Variants in GTF2IRD1 observed in about 807,000 individuals in gnomAD.
GTF2IRD1 encodes GTF2I repeat domain containing 1.
GTF2IRD1 carries 26 observed loss-of-function variants against 113.2 expected under a neutral mutation model. The ratio of observed to expected loss-of-function variants is 0.23; its 90% CI spans 0.17 to 0.32. GTF2IRD1 has a LOEUF of 0.32. Among genes scored for constraint, GTF2IRD1 ranks in the 10% least tolerant of loss-of-function variants. The pLI, the probability that GTF2IRD1 is intolerant of heterozygous loss-of-function variation, is 1.00. For missense variants in GTF2IRD1, 864 were observed against 1,280.8 expected (o/e 0.67, Z 4.97); for synonymous variants, 484 against 529.1 (o/e 0.91, Z 1.17).
chr7:74,464,785 GT>G (rs1793606666), intron 1 of GTF2IRD1, among the ~76,000 whole-genome samples: 1 of 152,128 alleles, frequency 6.6e-6, no homozygotes, highest in African/African-American at 2.4e-5. Flanking sequence ...TTTGTTATTT[GT>G]GAAATCGTTG....
intron 1 of GTF2IRD1, among the ~76,000 whole-genome samples, chr7:74,466,948 CTTTCTTTTTT>C (rs1219071025): frequency 8.1e-5 from 12 of 148,810 alleles, no homozygotes; most frequent in Non-Finnish European, 1.8e-4. Context: ...CACCCTTTTT[CTTTCTTTTTT>C]TTTTTTTTTG....
intron 8 of GTF2IRD1, among the ~76,000 whole-genome samples, chr7:74,525,161 C>T (rs1797530510): frequency 6.6e-6 from 1 of 152,224 alleles, no homozygotes; most frequent in Admixed American, 6.5e-5. Flanking sequence ...CCCAGCTTTA[C>T]CTGTGCTGTG....
At chr7:74,589,826 A>C (rs782186448) in intron 22 of GTF2IRD1, 25 bp from the exon 23 acceptor site, 4 of 1,518,236 alleles carry the variant, frequency 2.6e-6, no homozygotes, top group South Asian at 1.1e-5. Flanking sequence ...GCCAACTCTC[A>C]TGCCCCCTTG....
intron 4 of GTF2IRD1, 122 bp downstream of exon 4, chr7:74,515,718 A>C (rs1796894297): frequency 2.6e-6 from 2 of 768,516 alleles, no homozygotes; most frequent in Non-Finnish European, 2.1e-6. Context: ...ACCCCAAGGC[A>C]TGGGGCTACT....
intron 19 of GTF2IRD1, among the ~76,000 whole-genome samples, chr7:74,556,264 A>C (rs1485360843): frequency 1.3e-5 from 2 of 149,510 alleles, no homozygotes; most frequent in Non-Finnish European, 3.0e-5. Context: ...AAAAAAAAGA[A>C]AGAGAGAGAG....
At chr7:74,545,014 AG>A (rs1246809721) in intron 15 of GTF2IRD1, among the ~76,000 whole-genome samples, 1 of 152,158 alleles carries the variant, frequency 6.6e-6, no homozygotes, top group African/African-American at 2.4e-5. Flanking sequence ...TCCTGGTCAA[AG>A]GTGAGAGCAG....
In GTF2IRD1 at chr7:74,555,947, T is replaced by C. The variant is rs1799566321; in HGVS notation, c.2023+453T>C. The stretch of plus-strand genomic sequence containing the variant: ...AACATAGAACCCGTCTCTATGTCTA[T>C]TTTTAAGAAAAGAAATCAGAGGCCG... On this transcript the variant is annotated intron_variant, in intron 19 of 26. Transcript: ENST00000424337. The surrounding 1 kb of genome is among the most constrained non-coding windows in gnomAD (Gnocchi z 5.3). Among the ~76,000 whole-genome samples the C allele has an allele frequency of 1.3e-5, 2 of 152,032 alleles. No individual in the cohort carries two copies. The highest frequency in any genetic ancestry group is 4.2e-4 in the South Asian group (2 of 4,814).
intron 21 of GTF2IRD1, 96 bp downstream of exon 21, chr7:74,559,140 C>A (rs1308864699): frequency 1.7e-6 from 2 of 1,162,258 alleles, no homozygotes; most frequent in Non-Finnish European, 2.5e-6. Context: ...TCCTGCCCTC[C>A]CCCCTGGACA....
At chr7:74,565,422 G>A (rs1329052380) in intron 22 of GTF2IRD1, among the ~76,000 whole-genome samples, 2 of 152,122 alleles carry the variant, frequency 1.3e-5, no homozygotes, top group African/African-American at 4.8e-5. Flanking sequence ...CTACTTAGGA[G>A]GCTAAGGCAG....
rs182001018 is a variant in GTF2IRD1 at position 74,594,055 on chromosome 7, C to T, written c.2592-959C>T. On this transcript the variant is annotated intron_variant, in intron 24 of 26. Coordinates refer to ENST00000424337, the MANE Select transcript of GTF2IRD1 (RefSeq NM_005685.4). ...TCTACTAAAAATACAAAAAATTAGC[C>T]GGGCATGGTGGTACACGCCTGTAAT... Among the ~76,000 whole-genome samples the T allele has an allele frequency of 1.0e-3, 152 of 151,526 alleles. 3 individuals carry two copies. The East Asian group carries it at 0.023, about 23-fold the overall frequency.
At chr7:74,565,936 A>G (rs1800279021) in intron 22 of GTF2IRD1, among the ~76,000 whole-genome samples, 1 of 151,796 alleles carries the variant, frequency 6.6e-6, no homozygotes. Flanking sequence ...GCGAGCTATG[A>G]TCACAAAGCT....
chr7:74,601,560 G>A lies in GTF2IRD1; in HGVS notation c.2766+380G>A, dbSNP rs1335748741. 3 of 1,125,316 alleles carry A rather than the reference G, an allele frequency of 2.7e-6. No homozygotes were observed. The African/African-American group carries it at 4.7e-5, about 18-fold the overall frequency. 69.7% of individuals were successfully genotyped at this position (1,125,316 alleles called of 1,614,324 possible). ...GGTCAAGTCGGGTGGATCACCTGAG[G>A]TCAGGAGTTTGAGACCAGGCTGACC... On this transcript the variant is annotated intron_variant, in intron 26 of 26. Coordinates refer to ENST00000424337, the MANE Select transcript of GTF2IRD1 (RefSeq NM_005685.4).
chr7:74,524,255 TATGC>T, intron 8 of GTF2IRD1, 101 bp downstream of exon 8: 1 of 725,732 alleles, frequency 1.4e-6, no homozygotes, highest in Non-Finnish European at 2.3e-6. Context: ...GCGGGAGCCA[TATGC>T]TGGCTCCCGC....
At chr7:74,459,917 G>A (rs187177001) in intron 1 of GTF2IRD1, among the ~76,000 whole-genome samples, 45 of 152,148 alleles carry the variant, frequency 3.0e-4, no homozygotes, top group South Asian at 8.3e-4. Flanking sequence ...TGGAGGCCCC[G>A]GGGATGATCT....
intron 1 of GTF2IRD1, among the ~76,000 whole-genome samples, chr7:74,503,887 G>A (rs1167521624): frequency 2.6e-5 from 4 of 152,160 alleles, no homozygotes; most frequent in Non-Finnish European, 4.4e-5. Context: ...CCAATAAGTC[G>A]TTTTTCAGCC....
At chr7:74,574,811 G>C (rs1800925569) in intron 22 of GTF2IRD1, among the ~76,000 whole-genome samples, 1 of 151,372 alleles carries the variant, frequency 6.6e-6, no homozygotes, top group South Asian at 2.1e-4. Flanking sequence ...AAACCCGGCT[G>C]AGTGCAGTGG....
chr7:74,572,325 A>G (rs368498661), intron 22 of GTF2IRD1, among the ~76,000 whole-genome samples: 2 of 152,010 alleles, frequency 1.3e-5, no homozygotes, highest in Non-Finnish European at 2.9e-5. Context: ...TTAACCTACT[A>G]TCTCTGATCT....
intron 1 of GTF2IRD1, among the ~76,000 whole-genome samples, chr7:74,473,973 C>G (rs1194853513): frequency 1.3e-5 from 2 of 151,618 alleles, no homozygotes; most frequent in Non-Finnish European, 2.9e-5. Context: ...CCTGTAATCC[C>G]AGCACTTTGG....
intron 1 of GTF2IRD1, among the ~76,000 whole-genome samples, chr7:74,462,363 T>C (rs67059828): frequency 0.092 from 14,048 of 152,254 alleles, 1,758 homozygotes; most frequent in African/African-American, 0.29. Flanking sequence ...TCTCTTGTCC[T>C]GACCCCAGCA....
Sources: allele counts gnomAD v4.1 joint callset (sites outside exome capture counted in the v4.1 genomes callset), GRCh38; gene constraint gnomAD v4.1.1; non-coding constraint Gnocchi (gnomAD v3.1); transcripts MANE v1.5; gene names NCBI Gene and HGNC (gene_info 2026-07-23, HGNC 2026-07-21).